Variants in TYW1 observed in about 807,000 individuals in gnomAD.
TYW1 encodes the protein tRNA-yW synthesizing protein 1 homolog.
In TYW1, 46 loss-of-function variants were observed where a neutral mutation model predicts 96.2. The ratio of observed to expected loss-of-function variants is 0.48; its 90% CI spans 0.38 to 0.61. The LOEUF is 0.61. TYW1 is among the 20% of genes least tolerant of loss of function. TYW1 has a pLI of 0.00. For missense variants in TYW1, 684 were observed against 909.6 expected (o/e 0.75, Z 3.19); for synonymous variants, 274 against 323.0 (o/e 0.85, Z 1.63).
intron 10 of TYW1, among the ~76,000 whole-genome samples, chr7:67,082,406 G>A (rs1302545808): frequency 6.6e-6 from 1 of 152,214 alleles, no homozygotes; most frequent in Admixed American, 6.5e-5. Context: ...ATCGGTGCCT[G>A]TGGTTCCTAT....
chr7:67,106,231 C>T (rs181546779), intron 12 of TYW1, among the ~76,000 whole-genome samples: 4 of 152,274 alleles, frequency 2.6e-5, no homozygotes, highest in Admixed American at 2.0e-4. Context: ...ATATGCAATC[C>T]GCATTTTGAT....
intron 10 of TYW1, among the ~76,000 whole-genome samples, chr7:67,076,004 T>G (rs942987206): frequency 4.6e-5 from 7 of 152,224 alleles, no homozygotes; most frequent in African/African-American, 1.7e-4. Context: ...CCTAAATATT[T>G]TCCCTGGCAT....
At chr7:67,218,650 A>G (rs1438675661) in intron 15 of TYW1, among the ~76,000 whole-genome samples, 6 of 152,118 alleles carry the variant, frequency 3.9e-5, no homozygotes, top group African/African-American at 1.4e-4. Flanking sequence ...ACCACTCACT[A>G]TGGTGGCTAT....
In TYW1 at chr7:67,025,053, G is replaced by A. The variant is rs753625162; in HGVS notation, c.984+31G>A. The A allele has an allele frequency of 1.6e-5, 25 of 1,612,758 alleles. No individual in the cohort carries two copies. In the East Asian group the frequency reaches 4.9e-4, roughly 32 times the overall value. On this transcript the variant is annotated intron_variant, in intron 7 of 15. Coordinates refer to ENST00000359626, the MANE Select transcript of TYW1 (RefSeq NM_018264.4). ...GTTACTTTGGGAAATGTTGCACTTG[G>A]CTCCCGCAGTTGGTTAACATTTAGT...
At chr7:67,195,424 T>G in intron 15 of TYW1, 87 bp downstream of exon 15, 1 of 1,586,084 alleles carries the variant, frequency 6.3e-7, no homozygotes, top group African/African-American at 1.4e-5. Context: ...TCTTACATTG[T>G]TATAGGGATT....
intron 13 of TYW1, among the ~76,000 whole-genome samples, chr7:67,164,513 A>G (rs1799261488): frequency 1.3e-5 from 2 of 151,350 alleles, no homozygotes; most frequent in Admixed American, 1.3e-4. Context: ...CAGGAGGCTG[A>G]GGTGGGAGGA....
chr7:67,008,004 C>T lies in TYW1; in HGVS notation c.274-1579C>T, dbSNP rs1459495806. Among the ~76,000 whole-genome samples, 3 of 152,278 alleles carry T rather than the reference C, an allele frequency of 2.0e-5. No individual in the cohort carries two copies. In the South Asian group the frequency reaches 6.2e-4, roughly 32 times the overall value. ...GTTATCATTAGCCCACAAGACTGCC[C>T]CCACTTCAGACACCAGTCACAAGTC... On this transcript the variant is annotated intron_variant, in intron 3 of 15. Transcript: ENST00000359626.
intron 7 of TYW1, among the ~76,000 whole-genome samples, chr7:67,039,358 T>G (rs10263028): frequency 1.3e-5 from 2 of 151,290 alleles, no homozygotes; most frequent in African/African-American, 4.9e-5. Flanking sequence ...CTCGGGAGGC[T>G]GAGGCAGAAG....
At chr7:67,048,113 C>T (rs1219126038) in intron 7 of TYW1, among the ~76,000 whole-genome samples, 15 of 1,290 alleles carry the variant, frequency 0.012, no homozygotes, top group Non-Finnish European at 0.021. Context: ...TGAATGTTCT[C>T]AAAAGTACAC....
intron 14 of TYW1, among the ~76,000 whole-genome samples, chr7:67,189,436 T>C (rs967591772): frequency 1.3e-5 from 2 of 149,736 alleles, no homozygotes; most frequent in Non-Finnish European, 3.0e-5. Flanking sequence ...GTGTGTGGTA[T>C]GTGTATGTAT....
chr7:67,201,489 C>T (rs1476186340), intron 15 of TYW1, among the ~76,000 whole-genome samples: 2 of 149,836 alleles, frequency 1.3e-5, no homozygotes, highest in East Asian at 1.9e-4. Flanking sequence ...GGACCATTAA[C>T]GAGTGTGCAG....
chr7:67,065,284 C>A (rs1201901090), intron 9 of TYW1, among the ~76,000 whole-genome samples: 4 of 152,304 alleles, frequency 2.6e-5, no homozygotes, highest in South Asian at 2.1e-4. Context: ...ACCTTAAATA[C>A]CTCATTAAAG....
Position 67,030,110 on chromosome 7 carries a change from A to C in TYW1, c.984+5088A>C, listed in dbSNP as rs577673079. ...GAAGCCCCACTGAGCTTCAGTGTCC[A>C]GGGTTTTTATTGGTATCCCATCATG... On this transcript the variant is annotated intron_variant, in intron 7 of 15. Transcript: ENST00000359626. Among the ~76,000 whole-genome samples, 3 of 152,294 alleles carry C rather than the reference A, an allele frequency of 2.0e-5. No individual in the cohort carries two copies. The East Asian group carries it at 5.8e-4, about 29-fold the overall frequency.
In TYW1 at chr7:67,239,150, T is replaced by G; in HGVS notation, c.*621T>G. 2.0e-6 allele frequency: 2 copies of G among 985,982 alleles called. No homozygotes were observed. The highest frequency in any genetic ancestry group is 9.4e-5 in the South Asian group (2 of 21,324). The allele number at this position is 985,982 out of a possible 1,614,324, so 61.1% of individuals were successfully genotyped here. ...TCTAAAACTACTAGATCTCATCCCA[T>G]TCCCATGTAAATTACCACAGACCGC... On this transcript the variant is annotated 3_prime_UTR_variant, in exon 16 of 16. Transcript: ENST00000359626.
At chr7:67,084,963 T>C (rs966851255) in intron 11 of TYW1, among the ~76,000 whole-genome samples, 1 of 152,206 alleles carries the variant, frequency 6.6e-6, no homozygotes, top group Non-Finnish European at 1.5e-5. Flanking sequence ...ATCTCTATGC[T>C]CTGGTCTCTA....
At chr7:67,049,669 C>T (rs1795297622) in intron 7 of TYW1, among the ~76,000 whole-genome samples, 1 of 152,060 alleles carries the variant, frequency 6.6e-6, no homozygotes, top group Non-Finnish European at 1.5e-5. Context: ...GCCTCAGCCT[C>T]CTGAGTAGCT....
intron 9 of TYW1, among the ~76,000 whole-genome samples, chr7:67,056,638 C>T (rs1757963564): frequency 1.3e-5 from 2 of 152,004 alleles, no homozygotes; most frequent in African/African-American, 4.8e-5. Flanking sequence ...ACTTTTATTG[C>T]TCAGTAGTAT....
chr7:67,080,536 G>C (rs1021621002), intron 10 of TYW1, among the ~76,000 whole-genome samples: 1 of 151,884 alleles, frequency 6.6e-6, no homozygotes. Flanking sequence ...CTCTTGAGTA[G>C]CTGGGATTGC....
At chr7:67,117,426 G>A (rs1797627968) in intron 12 of TYW1, 57 bp from the exon 13 acceptor site, 2 of 1,565,340 alleles carry the variant, frequency 1.3e-6, no homozygotes, top group African/African-American at 1.4e-5. Flanking sequence ...TTTATATCAT[G>A]GAAAGCCTGA....
Sources: gnomAD v4.1 joint callset for allele counts (sites outside exome capture counted in the v4.1 genomes callset) on GRCh38, gnomAD v4.1.1 for gene constraint, MANE v1.5 for transcripts, NCBI Gene and HGNC (gene_info 2026-07-23, HGNC 2026-07-21) for gene names.